Variants in FLG observed in about 807,000 individuals in gnomAD.
FLG encodes the protein filaggrin.
Under a neutral mutation model 3.8 loss-of-function variants are expected in FLG, and 6 were observed. The observed-to-expected ratio is 1.60, with a 90% CI of 0.87 to 3.15. The LOEUF (loss-of-function observed/expected upper bound fraction) is 3.15. Among genes scored for constraint, FLG ranks in the 30% most tolerant of loss-of-function variants. FLG has a pLI of 0.00. For synonymous variants in FLG, 2,551 were observed against 1,931.6 expected (o/e 1.32, Z -8.41); for missense variants, 7,595 against 5,050.9 (o/e 1.50, Z -15.27).
At chr1:152,315,604 G>A in intron 1 of FLG, 127 bp from the exon 2 acceptor site, 1 of 680,838 alleles carries the variant, frequency 1.5e-6, no homozygotes, top group South Asian at 1.9e-5. Flanking sequence ...AATGGAAGAT[G>A]GACATGAGAA....
rs754489167 is a variant in FLG at position 152,313,604 on chromosome 1, G to A, written c.1282C>T (p.His428Tyr). ...GATTGTGTGTCTGAGTTTTCTGAAT[G>A]TCCCTCACTGTCACTGGCCTGACTA... ...SGSQASDSEG[H>Y]SENSDTQSVS... The change falls in exon 3 of 3, where the codon CAT (histidine) becomes TAT (tyrosine). Residue 428 changes from histidine (H) to tyrosine (Y), a missense_variant. His to Tyr is a moderately conservative substitution (Grantham distance 83). Transcript: ENST00000368799. 3.3e-5 allele frequency: 54 copies of A among 1,613,858 alleles called. No individual in the cohort carries two copies. Among genetic ancestry groups the A allele is most frequent in the Middle Eastern group, 1.6e-4 (1 of 6,082 alleles).
chr1:152,322,756 T>G (rs1296486262), intron 1 of FLG, among the ~76,000 whole-genome samples: 3 of 151,430 alleles, frequency 2.0e-5, no homozygotes, highest in African/African-American at 7.2e-5. Flanking sequence ...ATATATAGCT[T>G]GTTTATGAAC....
chr1:152,312,178 C>T lies in FLG; in HGVS notation c.2708G>A (p.Arg903Lys). The change falls in exon 3 of 3, where the codon AGA (arginine) becomes AAA (lysine). Residue 903 changes from arginine to lysine, a missense_variant. By Grantham distance (26) the Arg-to-Lys change is conservative. Transcript: ENST00000368799. Reference protein sequence around the residue: ...SRTTRNEEQSRDGSRHSGSRH... With the variant: ...SRTTRNEEQSKDGSRHSGSRH... ...TGACCCTGAGTGCCTGGAGCCGTCT[C>T]TTGATTGTTCCTCATTACGTGTTGT... The T allele has an allele frequency of 6.2e-7, 1 of 1,613,974 alleles. No individual in the cohort carries two copies. The highest frequency in any genetic ancestry group is 8.5e-7 in the Non-Finnish European group (1 of 1,179,996).
chr1:152,302,873 G>A lies in FLG; in HGVS notation c.12013C>T (p.Pro4005Ser), dbSNP rs1191126363. Reference sequence around the variant, plus strand: ...TCAGATCTTTCCTTGAAAACAACAGGATTGGAATTGTAACTAACACTTCCG... The same window carrying A: ...TCAGATCTTTCCTTGAAAACAACAGAATTGGAATTGTAACTAACACTTCCG... ...QHGSVSYNSN[P>S]VVFKERSDIC... The change falls in exon 3 of 3, where the codon CCT (proline) becomes TCT (serine). Residue 4005 changes from proline to serine, a missense_variant. Transcript: ENST00000368799. The A allele has an allele frequency of 1.2e-6, 2 of 1,614,144 alleles. No individual in the cohort carries two copies. The highest frequency in any genetic ancestry group is 2.2e-5 in the East Asian group (1 of 44,888).
chr1:152,313,259 C>T lies in FLG; in HGVS notation c.1627G>A (p.Gly543Ser). ...EQSVNRSGHS[G>S]SHHSHTTSQG... ...GATGTGGTGTGGCTGTGATGGGAAC[C>T]TGAGTGTCCAGACCTATTTACCGAT... The change falls in exon 3 of 3, where the codon GGT becomes AGT. Residue 543 changes from glycine (G) to serine (S), a missense_variant. Transcript: ENST00000368799. 1 of 1,613,896 alleles carries T rather than the reference C, an allele frequency of 6.2e-7. No individual in the cohort carries two copies.
Position 152,307,350 on chromosome 1 carries a change from A to C in FLG, c.7536T>G (p.Ser2512Arg), listed in dbSNP as rs1404812060. 5.0e-6 allele frequency: 8 copies of C among 1,612,742 alleles called. No individual in the cohort carries two copies. Among genetic ancestry groups the C allele is most frequent in the East Asian group, 2.2e-5 (1 of 44,704 alleles). ...DASHGHSGSR[S>R]ASRQTRNDEQ... ...CATCGTTACGAGTTTGTCTGCTTGC[A>C]CTTCTGGATCCTGAGTGCCCATGGG... The change falls in exon 3 of 3, where the codon AGT becomes AGG. Residue 2512 changes from serine to arginine, a missense_variant. By Grantham distance (110) the Ser-to-Arg change is moderately radical (BLOSUM62 -1). Coordinates refer to ENST00000368799, the MANE Select transcript of FLG (RefSeq NM_002016.2).
rs772700756 is a variant in FLG, at chr1:152,311,417, C to T, written c.3469G>A (p.Ala1157Thr). The stretch of plus-strand genomic sequence containing the variant: ...ATGGTGTCCTGACCCTCTTGGGACG[C>T]TGAGTGCCTGGAGCTGTCTCGTGCC... ...EQARDSSRHSASQEGQDTIRA... is the reference protein window; with the variant it reads ...EQARDSSRHSTSQEGQDTIRA... Residue 1157 changes from alanine to threonine, a missense_variant, in exon 3 of 3, where the codon GCG becomes ACG. Coordinates refer to ENST00000368799, the MANE Select transcript of FLG (RefSeq NM_002016.2). The T allele has an allele frequency of 7.4e-6, 12 of 1,613,946 alleles. No homozygotes were observed. Among genetic ancestry groups the T allele is most frequent in the East Asian group, 2.2e-5 (1 of 44,838 alleles).
intron 1 of FLG, among the ~76,000 whole-genome samples, chr1:152,318,612 C>A (rs868278207): frequency 1.3e-5 from 2 of 151,896 alleles, no homozygotes; most frequent in Non-Finnish European, 2.9e-5. Context: ...TCATTGGATC[C>A]CATCACTTCA....
rs749113377 is a variant in FLG at position 152,305,351 on chromosome 1, C to T, written c.9535G>A (p.Val3179Met). Reference sequence around the variant, plus strand: ...GTGGAAGCTTCATGGTGACGTGACACTGAGTGCCTGGAGCTGTCTCCTGAT... The same window carrying T: ...GTGGAAGCTTCATGGTGACGTGACATTGAGTGCCTGGAGCTGTCTCCTGAT... ...EQSGDSSRHS[V>M]SRHHEASTHA... is the part of the protein sequence containing the mutation. The change falls in exon 3 of 3, where the codon GTG becomes ATG. Residue 3179 changes from valine (V) to methionine (M), a missense_variant. Coordinates refer to ENST00000368799, the MANE Select transcript of FLG (RefSeq NM_002016.2). 1.9e-6 allele frequency: 3 copies of T among 1,607,028 alleles called. No homozygotes were observed. In the Admixed American group the frequency reaches 5.1e-5, roughly 27 times the overall value.
chr1:152,315,330 G>T lies in FLG; in HGVS notation c.127C>A (p.Gln43Lys). 1 of 1,613,234 alleles carries T rather than the reference G, an allele frequency of 6.2e-7. No individual in the cohort carries two copies. ...LKELLEKEFR[Q>K]ILKNPDDPDM... ...TCAGAGACTCTTACCTTCAGGATTT[G>T]CCGAAATTCCTTTTCCAGAAGTTCC... Residue 43 changes from glutamine to lysine, a missense_variant, in exon 2 of 3, where the codon CAA (glutamine) becomes AAA (lysine). Transcript: ENST00000368799.
chr1:152,314,568 A>G lies in FLG; in HGVS notation c.318T>C (p.His106=), dbSNP rs1044781674. 3 of 1,613,474 alleles carry G rather than the reference A, an allele frequency of 1.9e-6. No homozygotes were observed. Among genetic ancestry groups the G allele is most frequent in the Non-Finnish European group, 2.5e-6 (3 of 1,179,888 alleles). The part of the protein sequence containing the change: ...ISGHKHRKHS[H]HDKHEDNKQE... ...GTTTATTATCTTCATGTTTATCATG[A>G]TGACTGTGCTTTCTGTGCTTGTGTC... The change falls in exon 3 of 3, where the codon CAT becomes CAC. Residue 106 remains histidine (H), a synonymous_variant. Transcript: ENST00000368799.
Position 152,312,667 on chromosome 1 carries a change from C to T in FLG, c.2219G>A (p.Arg740Gln), listed in dbSNP as rs763804160. 27 of 1,613,876 alleles carry T rather than the reference C, an allele frequency of 1.7e-5. No homozygotes were observed. The highest frequency in any genetic ancestry group is 4.4e-5 in the South Asian group (4 of 91,068). The change falls in exon 3 of 3, where the codon CGA becomes CAA. Residue 740 changes from arginine (R) to glutamine (Q), a missense_variant. Transcript: ENST00000368799. Reference protein sequence around the residue: ...ASSAVRDSGHRGSSGSQATDS... With the variant: ...ASSAVRDSGHQGSSGSQATDS... ...AGTGGCCTGACTACCACTGGACCCTCGGTGTCCACTGTCTCTGACTGCAGA... is the reference window on the plus strand; with the variant it reads ...AGTGGCCTGACTACCACTGGACCCTTGGTGTCCACTGTCTCTGACTGCAGA...
At position 152,304,385 on chromosome 1, in the gene FLG, G is replaced by A. The variant is rs771594459; in HGVS notation, c.10501C>T (p.His3501Tyr). 21 of 1,611,764 alleles carry A rather than the reference G, an allele frequency of 1.3e-5. 2 individuals are homozygous for A. The highest frequency in any genetic ancestry group is 1.5e-5 in the Non-Finnish European group (18 of 1,179,118). Residue 3501 changes from histidine to tyrosine, a missense_variant, in exon 3 of 3, where the codon CAC (histidine) becomes TAC (tyrosine). Physicochemically the swap from His to Tyr is moderately conservative, Grantham distance 83 (BLOSUM62 2). Coordinates refer to ENST00000368799, the MANE Select transcript of FLG (RefSeq NM_002016.2). ...NDEQSGDGSR[H>Y]SWSHHHEAST... ...GCTTCATGGTGATGCGACCATGAGT[G>A]CCTGGAGCCATCTCCTGATTGTTCG...
Position 152,308,265 on chromosome 1 carries a change from C to A in FLG, c.6621G>T (p.Gly2207=), listed in dbSNP as rs1293284637. ...AAGAGGAAGCTTCATGATGATGCGA[C>A]CCTGAGTGCCTAGAGCCATCTCCTG... The part of the protein sequence containing the change: ...EQSGDGSRHS[G]SHHHEASSWA... Residue 2207 remains glycine (G), a synonymous_variant, in exon 3 of 3, where the codon GGG becomes GGT. Coordinates refer to ENST00000368799, the MANE Select transcript of FLG (RefSeq NM_002016.2). 5.0e-6 allele frequency: 8 copies of A among 1,613,250 alleles called. No individual in the cohort carries two copies. The highest frequency in any genetic ancestry group is 2.2e-5 in the East Asian group (1 of 44,852).
rs143520776 is a variant in FLG, at chr1:152,310,120, C to A, written c.4766G>T (p.Arg1589Leu). ...GESAGSKTSR[R>L]QGSSVSQDRD... Reference sequence around the variant, plus strand: ...GTCCTGACTAACACTGGATCCCTGGCGCCTGCTTGTCTTGGACCCCGCTGA... The same window carrying A: ...GTCCTGACTAACACTGGATCCCTGGAGCCTGCTTGTCTTGGACCCCGCTGA... The change falls in exon 3 of 3, where the codon CGC (arginine) becomes CTC (leucine). Residue 1589 changes from arginine (R) to leucine (L), a missense_variant. By Grantham distance (102) the Arg-to-Leu change is moderately radical. Transcript: ENST00000368799. 2.5e-6 allele frequency: 4 copies of A among 1,613,814 alleles called. 1 individual carries two copies. The highest frequency in any genetic ancestry group is 4.5e-5 in the East Asian group (2 of 44,834).
Position 152,309,454 on chromosome 1 carries a change from T to A in FLG, c.5432A>T (p.Asp1811Val), listed in dbSNP as rs774524588. 1.2e-5 allele frequency: 20 copies of A among 1,612,744 alleles called. 1 individual carries two copies. Among genetic ancestry groups the A allele is most frequent in the Non-Finnish European group, 1.7e-5 (20 of 1,179,742 alleles). Residue 1811 changes from aspartate (D) to valine (V), a missense_variant, in exon 3 of 3, where the codon GAC (aspartate) becomes GTC (valine). Transcript: ENST00000368799. ...SRHSASQEGQDTIRGHPGSSR... is the reference protein window; with the variant it reads ...SRHSASQEGQVTIRGHPGSSR... The stretch of plus-strand genomic sequence containing the variant: ...TGACCCTGGGTGTCCACGAATGGTG[T>A]CCTGACCCTCTTGGGACGCTGAGTG...
At chr1:152,315,615 A>T (rs1365385964) in intron 1 of FLG, 138 bp from the exon 2 acceptor site, 1 of 633,222 alleles carries the variant, frequency 1.6e-6, no homozygotes, top group Non-Finnish European at 2.6e-6. Context: ...GACATGAGAA[A>T]CTTTTCTCTA....
rs137890565 is a variant in FLG, at chr1:152,308,080, C to A, written c.6806G>T (p.Gly2269Val). Residue 2269 changes from glycine to valine, a missense_variant, in exon 3 of 3, where the codon GGA (glycine) becomes GTA (valine). Physicochemically the swap from Gly to Val is moderately radical, Grantham distance 109. Coordinates refer to ENST00000368799, the MANE Select transcript of FLG (RefSeq NM_002016.2). ...RSGSASRNHH[G>V]SAQEQSRDGS... ...ATCTCTTGACTGCTCCTGAGCAGATCCATGATGGTTTCTGGACGCAGACCC... is the reference window on the plus strand; with the variant it reads ...ATCTCTTGACTGCTCCTGAGCAGATACATGATGGTTTCTGGACGCAGACCC... 3 of 1,613,884 alleles carry A rather than the reference C, an allele frequency of 1.9e-6. No individual in the cohort carries two copies. Among genetic ancestry groups the A allele is most frequent in the South Asian group, 1.1e-5 (1 of 91,078 alleles).
In FLG at chr1:152,311,362, C is replaced by T. The variant is rs774531820; in HGVS notation, c.3524G>A (p.Gly1175Glu). The T allele has an allele frequency of 1.9e-6, 3 of 1,613,746 alleles. No individual in the cohort carries two copies. The highest frequency in any genetic ancestry group is 2.5e-6 in the Non-Finnish European group (3 of 1,179,946). ...TTGCTCATGGTGGGATCCCTGCCTT[C>T]CTCCTCTCCTTGACCCCGGGTGTGC... ...IRAHPGSRRGGRQGSHHEQSV... is the reference protein window; with the variant it reads ...IRAHPGSRRGERQGSHHEQSV... The change falls in exon 3 of 3, where the codon GGA becomes GAA. Residue 1175 changes from glycine to glutamate, a missense_variant. By Grantham distance (98) the Gly-to-Glu change is moderately conservative. Transcript: ENST00000368799.
Sources: allele counts gnomAD v4.1 joint callset (sites outside exome capture counted in the v4.1 genomes callset), GRCh38; gene constraint gnomAD v4.1.1; transcripts MANE v1.5; gene names NCBI Gene and HGNC (gene_info 2026-07-23, HGNC 2026-07-21).